The following ACBD6 variants were observed in gnomAD, a reference collection of about 807,000 sequenced individuals.
ACBD6 encodes the protein acyl-CoA binding domain containing 6, also known as acyl-CoA-binding domain-containing protein 6.
A neutral mutation model predicts 37.2 loss-of-function variants in ACBD6; 28 were observed. The ratio of observed to expected loss-of-function variants is 0.75; its 90% CI spans 0.56 to 1.03. ACBD6 has a LOEUF of 1.03. ACBD6 is among the 50% of genes least tolerant of loss of function. The probability of loss-of-function intolerance (pLI) is 0.00; values close to 1 mark genes in which losing one functional copy is unlikely to be tolerated. For missense variants in ACBD6, 340 were observed against 337.4 expected, an observed-to-expected ratio of 1.01 and a Z score of -0.06; for synonymous variants, 113 against 126.8, an observed-to-expected ratio of 0.89 and a Z score of 0.73.
At position 180,492,307 on chromosome 1, in the gene ACBD6, C is replaced by T. The variant is rs762191597; in HGVS notation, c.346G>A (p.Ala116Thr). Residue 116 changes from alanine to threonine, a missense_variant, in exon 3 of 8, where the codon GCA (alanine) becomes ACA (threonine). Physicochemically the swap from Ala to Thr is moderately conservative, Grantham distance 58. Coordinates refer to ENST00000367595, the MANE Select transcript of ACBD6 (RefSeq NM_032360.4). ...SPSQAMQEYI[A>T]VVKKLDPGWN... ...CCTGGATCTAGTTTTTTAACTACTG[C>T]GATATATTCCTGCATTGCTTGGCTG... 5.8e-5 allele frequency: 93 copies of T among 1,613,862 alleles called. No homozygotes were observed. Among genetic ancestry groups the T allele is most frequent in the Middle Eastern group, 1.6e-4 (1 of 6,082 alleles).
intron 9 of ACBD6, chr1:180,278,397 T>TAAAC (rs2149271933): frequency 1.3e-5 from 2 of 152,240 alleles, no homozygotes; most frequent in Non-Finnish European, 2.9e-5. Context: ...CCAACTGTTC[T>TAAAC]AAACAGTGAG....
intron 3 of ACBD6, among the ~76,000 whole-genome samples, chr1:180,473,214 G>A (rs1179547917): frequency 1.3e-5 from 2 of 152,088 alleles, no homozygotes; most frequent in African/African-American, 2.4e-5. Context: ...TTGGGAGGCC[G>A]AGGCGGGCGG....
chr1:180,370,020 T>C (rs1653195797), intron 6 of ACBD6, among the ~76,000 whole-genome samples: 1 of 152,220 alleles, frequency 6.6e-6, no homozygotes, highest in African/African-American at 2.4e-5. Flanking sequence ...GGCAATATTA[T>C]TTCTACTCTA....
intron 2 of ACBD6, among the ~76,000 whole-genome samples, chr1:180,492,881 C>A (rs957477173): frequency 6.6e-6 from 1 of 152,140 alleles, no homozygotes; most frequent in Non-Finnish European, 1.5e-5. Context: ...GCTGTTATCT[C>A]ATCTATAAGC....
intron 4 of ACBD6, among the ~76,000 whole-genome samples, chr1:180,420,743 T>C (rs935012288): frequency 6.6e-6 from 1 of 152,206 alleles, no homozygotes; most frequent in Non-Finnish European, 1.5e-5. Context: ...GGCTTCTTAT[T>C]GTACAACCAA....
chr1:180,478,491 CT>C (rs761173473), intron 3 of ACBD6, among the ~76,000 whole-genome samples: 3,992 of 145,040 alleles, frequency 0.028, 109 homozygotes, highest in African/African-American at 0.07. Context: ...ATAAATCTCT[CT>C]TTTTTTTTTT....
chr1:180,475,900 T>A (rs940600847), intron 3 of ACBD6, among the ~76,000 whole-genome samples: 1 of 152,212 alleles, frequency 6.6e-6, no homozygotes, highest in African/African-American at 2.4e-5. Flanking sequence ...GGGGCACTTT[T>A]CATTTTCCCT....
chr1:180,403,727 T>A (rs1212613167), intron 5 of ACBD6, among the ~76,000 whole-genome samples: 3 of 152,228 alleles, frequency 2.0e-5, no homozygotes, highest in African/African-American at 4.8e-5. Context: ...ATGCATACAA[T>A]GGAATATTAT....
intron 7 of ACBD6, among the ~76,000 whole-genome samples, chr1:180,308,923 TGAAA>T (rs760814134): frequency 7.2e-4 from 110 of 152,362 alleles, no homozygotes; most frequent in Non-Finnish European, 1.4e-3. Flanking sequence ...GTTGAATGAA[TGAAA>T]TATAATTAAG....
intron 6 of ACBD6, among the ~76,000 whole-genome samples, chr1:180,362,456 T>A (rs1652887224): frequency 6.6e-6 from 1 of 152,192 alleles, no homozygotes; most frequent in Non-Finnish European, 1.5e-5. Flanking sequence ...AAAAAAAAGA[T>A]GACTGTTTTG....
intron 7 of ACBD6, among the ~76,000 whole-genome samples, chr1:180,309,891 C>T (rs1413524539): frequency 6.6e-6 from 1 of 151,596 alleles, no homozygotes; most frequent in Non-Finnish European, 1.5e-5. Flanking sequence ...TTAGAACAGC[C>T]AGCTCTTGAT....
At chr1:180,439,616 G>C (rs1649200415) in intron 3 of ACBD6, among the ~76,000 whole-genome samples, 1 of 151,936 alleles carries the variant, frequency 6.6e-6, no homozygotes. Flanking sequence ...CTGGGGAGGA[G>C]TTTTTGACTC....
intron 7 of ACBD6, among the ~76,000 whole-genome samples, chr1:180,294,660 A>T (rs1357969009): frequency 1.3e-5 from 2 of 151,516 alleles, no homozygotes; most frequent in African/African-American, 4.8e-5. Flanking sequence ...TAGGATATGT[A>T]CTGATATCCT....
At chr1:180,271,071 C>T (rs901330733) in exon 14 of ACBD6, 10 of 437,922 alleles carry the variant, frequency 2.3e-5, no homozygotes, top group South Asian at 1.0e-4. Flanking sequence ...ATGACAGGGA[C>T]GTGTGGAATT....
intron 7 of ACBD6, among the ~76,000 whole-genome samples, chr1:180,301,956 C>G (rs1650146384): frequency 6.6e-6 from 1 of 151,610 alleles, no homozygotes; most frequent in Non-Finnish European, 1.5e-5. Context: ...ATCGTTTACA[C>G]TTTTCTCAGC....
At chr1:180,457,630 C>A (rs1198150489) in intron 3 of ACBD6, among the ~76,000 whole-genome samples, 1 of 152,010 alleles carries the variant, frequency 6.6e-6, no homozygotes, top group Non-Finnish European at 1.5e-5. Context: ...TTAAGGAGAG[C>A]AAGAGGCTAA....
chr1:180,444,388 G>A (rs1460366703), intron 3 of ACBD6, among the ~76,000 whole-genome samples: 1 of 151,944 alleles, frequency 6.6e-6, no homozygotes, highest in Non-Finnish European at 1.5e-5. Flanking sequence ...CCTTTCCTGG[G>A]ATTAGTTCCT....
intron 4 of ACBD6, among the ~76,000 whole-genome samples, chr1:180,421,246 T>TA (rs954634837): frequency 1.3e-5 from 2 of 152,226 alleles, no homozygotes; most frequent in African/African-American, 4.8e-5. Flanking sequence ...AGCTCCCACT[T>TA]ACAAGTGAGA....
chr1:180,369,360 G>A (rs951839542), intron 6 of ACBD6, among the ~76,000 whole-genome samples: 14 of 152,210 alleles, frequency 9.2e-5, no homozygotes, highest in Non-Finnish European at 1.3e-4. Flanking sequence ...AAGATCTGCC[G>A]TTGGTTGATC....
Sources: allele counts gnomAD v4.1 joint callset (sites outside exome capture counted in the v4.1 genomes callset), GRCh38; gene constraint gnomAD v4.1.1; transcripts MANE v1.5; gene names NCBI Gene and HGNC (gene_info 2026-07-23, HGNC 2026-07-21).